The following NECAP2 variants were observed in gnomAD, a reference collection of about 807,000 sequenced individuals.
The protein encoded by NECAP2 is adaptin ear-binding coat-associated protein 2.
Under a neutral mutation model 37.8 loss-of-function variants are expected in NECAP2, and 38 were observed. The ratio of observed to expected loss-of-function variants is 1.01; its 90% CI spans 0.78 to 1.32. The LOEUF is 1.32. NECAP2 is among the 40% of genes most tolerant of loss of function. NECAP2 has a pLI of 0.00. For synonymous variants in NECAP2, 121 were observed against 127.7 expected (o/e 0.95, Z 0.35); for missense variants, 316 against 334.5 (o/e 0.94, Z 0.43).
rs563405880 is a variant in NECAP2 at position 16,458,999 on chromosome 1, C to G, written c.*109C>G. The G allele has an allele frequency of 1.3e-6, 2 of 1,588,260 alleles. No individual in the cohort carries two copies. Among genetic ancestry groups the G allele is most frequent in the African/African-American group, 1.4e-5 (1 of 73,802 alleles). On this transcript the variant is annotated 3_prime_UTR_variant, in exon 8 of 8. Transcript: ENST00000337132. ...GCTGGCCTGTGTTTGGGGCATGAAT[C>G]TCTCCTCTCCTCCTTGTCTGGCTCT...
chr1:16,443,513 C>A, intron 1 of NECAP2, 119 bp from the exon 2 acceptor site: 1 of 747,152 alleles, frequency 1.3e-6, no homozygotes. Context: ...TACTGTCTGA[C>A]TCTTTACAGA....
At chr1:16,455,917 A>T in intron 7 of NECAP2, 24 bp downstream of exon 7, 1 of 1,596,024 alleles carries the variant, frequency 6.3e-7, no homozygotes, top group Non-Finnish European at 8.6e-7. Context: ...TGTTCTGCGG[A>T]GGGGCTGGGG....
chr1:16,455,819 A>G lies in NECAP2; in HGVS notation c.669A>G (p.Gly223=). The G allele has an allele frequency of 6.2e-7, 1 of 1,613,286 alleles. No homozygotes were observed. The highest frequency in any genetic ancestry group is 1.3e-5 in the African/African-American group (1 of 74,990). The stretch of plus-strand genomic sequence containing the variant: ...GGTCGGACTCGGGAACATCAATAGG[A>G]GGTGCTCCTGTACCCTGGCCACAGC... The part of the protein sequence containing the change: ...LVQPAVAPSS[G]GAPVPWPQPN... Residue 223 remains glycine, a splice_region_variant and synonymous_variant, in exon 7 of 8, where the codon GGA becomes GGG. Transcript: ENST00000337132.
At chr1:16,445,717 A>G (rs958437312) in intron 2 of NECAP2, among the ~76,000 whole-genome samples, 1 of 152,204 alleles carries the variant, frequency 6.6e-6, no homozygotes, top group Non-Finnish European at 1.5e-5. Flanking sequence ...CAGCCTGGGC[A>G]ATATGGCAAA....
intron 6 of NECAP2, among the ~76,000 whole-genome samples, chr1:16,454,214 C>T (rs2100966980): frequency 6.6e-6 from 1 of 151,718 alleles, no homozygotes; most frequent in East Asian, 1.9e-4. Context: ...CATGCGCCAC[C>T]TCACGTGGCT....
intron 2 of NECAP2, among the ~76,000 whole-genome samples, chr1:16,444,611 T>C (rs2086734297): frequency 6.6e-6 from 1 of 152,166 alleles, no homozygotes; most frequent in African/African-American, 2.4e-5. Context: ...TGAGCAGATA[T>C]TTCTGTAATG....
At chr1:16,450,274 T>A (rs901741855) in intron 5 of NECAP2, 2 of 386,152 alleles carry the variant, frequency 5.2e-6, no homozygotes, top group Middle Eastern at 1.2e-3. Context: ...TTTTGTTTTT[T>A]GTTTTGTTTT....
chr1:16,449,260 A>G, intron 5 of NECAP2, 59 bp downstream of exon 5: 1 of 1,158,678 alleles, frequency 8.6e-7, no homozygotes, highest in Non-Finnish European at 1.3e-6. Context: ...CCAGCCCCAG[A>G]GCCCATTGCT....
At chr1:16,458,746 T>C (rs1570279146) in intron 7 of NECAP2, 96 bp from the exon 8 acceptor site, 15 of 1,323,276 alleles carry the variant, frequency 1.1e-5, no homozygotes, top group Non-Finnish European at 1.5e-5. Flanking sequence ...AACTGGCTTC[T>C]TAGAGCTTTT....
intron 5 of NECAP2, 69 bp from the exon 6 acceptor site, chr1:16,451,769 T>G: frequency 1.9e-6 from 3 of 1,580,752 alleles, no homozygotes; most frequent in Non-Finnish European, 2.6e-6. Flanking sequence ...TGGCCCTCCT[T>G]GTGGGGTTTT....
intron 6 of NECAP2, among the ~76,000 whole-genome samples, chr1:16,454,502 T>G (rs1013254650): frequency 1.3e-5 from 2 of 152,112 alleles, no homozygotes; most frequent in Non-Finnish European, 1.5e-5. Context: ...ATTACAGGCA[T>G]GCACCACCAT....
chr1:16,452,462 G>T (rs2086859617), intron 6 of NECAP2, among the ~76,000 whole-genome samples: 1 of 152,186 alleles, frequency 6.6e-6, no homozygotes, highest in South Asian at 2.1e-4. Context: ...TCTGGACCTT[G>T]AAGGAAGGAG....
In NECAP2 at chr1:16,449,093, G is replaced by A; in HGVS notation, c.381G>A (p.Lys127=). The change falls in exon 5 of 8, where the codon AAG becomes AAA. Residue 127 remains lysine, a splice_region_variant and synonymous_variant. Coordinates refer to ENST00000337132, the MANE Select transcript of NECAP2 (RefSeq NM_018090.5). Reference sequence around the variant, plus strand: ...CTTTTTCCTCATGTTCTCTCCCCAGGTGGGTGAAACAGCAGTGTGAATTTG... The same window carrying A: ...CTTTTTCCTCATGTTCTCTCCCCAGATGGGTGAAACAGCAGTGTGAATTTG... ...DFNVALQDHF[K]WVKQQCEFAK... 1 of 1,610,028 alleles carries A rather than the reference G, an allele frequency of 6.2e-7. No homozygotes were observed. The highest frequency in any genetic ancestry group is 8.5e-7 in the Non-Finnish European group (1 of 1,177,458).
intron 5 of NECAP2, chr1:16,450,049 A>C: frequency 2.6e-6 from 1 of 384,376 alleles, no homozygotes; most frequent in Non-Finnish European, 5.2e-6. Context: ...GTAACTCTAA[A>C]ATAATGCTTT....
chr1:16,445,087 G>A (rs182713326), intron 2 of NECAP2, among the ~76,000 whole-genome samples: 1 of 152,302 alleles, frequency 6.6e-6, no homozygotes, highest in Admixed American at 6.5e-5. Flanking sequence ...GCCTCCCAAA[G>A]TGTTGGGATT....
chr1:16,451,863 C>T lies in NECAP2; in HGVS notation c.515C>T (p.Ala172Val), dbSNP rs2086846961. The T allele has an allele frequency of 6.2e-7, 1 of 1,613,974 alleles. No homozygotes were observed. Among genetic ancestry groups the T allele is most frequent in the African/African-American group, 1.3e-5 (1 of 74,914 alleles). The part of the protein sequence containing the change: ...IANMKKKEGA[A>V]GNPRVRPAST... ...AACATGAAGAAGAAGGAAGGAGCAG[C>T]TGGGAATCCCCGAGTCCGGCCTGCC... Residue 172 changes from alanine (A) to valine (V), a missense_variant, in exon 6 of 8, where the codon GCT (alanine) becomes GTT (valine). Ala to Val is a moderately conservative substitution (Grantham distance 64). Coordinates refer to ENST00000337132, the MANE Select transcript of NECAP2 (RefSeq NM_018090.5).
Position 16,449,206 on chromosome 1 carries a change from G to C in NECAP2, c.489+5G>C, listed in dbSNP as rs2086806770. 6.2e-7 allele frequency: 1 copy of C among 1,601,102 alleles called. No individual in the cohort carries two copies. The highest frequency in any genetic ancestry group is 8.5e-7 in the Non-Finnish European group (1 of 1,171,508). On this transcript the variant is annotated splice_donor_5th_base_variant and intron_variant, in intron 5 of 7. Coordinates refer to ENST00000337132, the MANE Select transcript of NECAP2 (RefSeq NM_018090.5). ...ACCATCAAGCTCAACATCGCAGTGA[G>C]TTCTACCCTTGCTTGGCTGTGGTGA...
intron 6 of NECAP2, among the ~76,000 whole-genome samples, chr1:16,454,544 CAG>C (rs1271426861): frequency 6.6e-6 from 1 of 151,022 alleles, no homozygotes; most frequent in Admixed American, 6.6e-5. Flanking sequence ...TTAGTAGAGA[CAG>C]AGGTTTCACC....
chr1:16,440,848 C>A lies in NECAP2; in HGVS notation c.87C>A (p.Gly29=). 4 of 1,613,090 alleles carry A rather than the reference C, an allele frequency of 2.5e-6. No homozygotes were observed. Among genetic ancestry groups the A allele is most frequent in the Non-Finnish European group, 2.5e-6 (3 of 1,179,016 alleles). Residue 29 remains glycine, a synonymous_variant, in exon 1 of 8, where the codon GGC becomes GGA. Coordinates refer to ENST00000337132, the MANE Select transcript of NECAP2 (RefSeq NM_018090.5). ...YRIPPRATNR[G]YRAAEWQLDQ... The stretch of plus-strand genomic sequence containing the variant: ...TCCCTCCGCGGGCTACCAACCGTGG[C>A]TACAGGTGACTACCCACCGCCAGAC...
Sources: gnomAD v4.1 joint callset for allele counts (sites outside exome capture counted in the v4.1 genomes callset) on GRCh38, gnomAD v4.1.1 for gene constraint, MANE v1.5 for transcripts, NCBI Gene and HGNC (gene_info 2026-07-23, HGNC 2026-07-21) for gene names.